Variants in NRG2 observed in about 807,000 individuals in gnomAD.
The protein encoded by NRG2 is neuregulin 2.
Under a neutral mutation model 73.9 loss-of-function variants are expected in NRG2, and 27 were observed. The observed-to-expected ratio is 0.37, with a 90% CI of 0.27 to 0.50. NRG2 has a LOEUF of 0.50. Ranked by LOEUF, NRG2 falls within the 20% of genes least tolerant of loss-of-function variation. NRG2 has a pLI of 0.96. For synonymous variants in NRG2, 532 were observed against 541.0 expected (o/e 0.98, Z 0.23); for missense variants, 1,126 against 1,210.1 (o/e 0.93, Z 1.03).
In NRG2 at chr5:139,986,326, C is replaced by G. The variant is rs193224468; in HGVS notation, c.700+56044G>C. Among the ~76,000 whole-genome samples, 3 of 152,256 alleles carry G rather than the reference C, an allele frequency of 2.0e-5. No individual in the cohort carries two copies. The East Asian group carries it at 5.8e-4, about 29-fold the overall frequency. Reference sequence around the variant, plus strand: ...TGGGATATCCTCCCACACCCCAGGACCTTGCACTAGAGGAAAGGGGCTTTG... The same window carrying G: ...TGGGATATCCTCCCACACCCCAGGAGCTTGCACTAGAGGAAAGGGGCTTTG... On this transcript the variant is annotated intron_variant, in intron 1 of 9. Transcript: ENST00000361474.
At chr5:139,912,227 G>A (rs1750881328) in intron 1 of NRG2, among the ~76,000 whole-genome samples, 1 of 152,140 alleles carries the variant, frequency 6.6e-6, no homozygotes, top group Non-Finnish European at 1.5e-5. Flanking sequence ...TTCAACCCAG[G>A]CTGGCAAATT....
intron 1 of NRG2, among the ~76,000 whole-genome samples, chr5:139,937,839 T>C (rs1752957917): frequency 6.6e-6 from 1 of 152,206 alleles, no homozygotes; most frequent in South Asian, 2.1e-4. Flanking sequence ...AACACATATA[T>C]ATATTCTGTG....
chr5:139,905,121 A>G (rs903521821), intron 1 of NRG2, among the ~76,000 whole-genome samples: 21 of 151,888 alleles, frequency 1.4e-4, no homozygotes, highest in Non-Finnish European at 2.6e-4. Flanking sequence ...CCCCCCTCCC[A>G]CACACTCTGG....
At chr5:139,984,752 C>G (rs969491496) in intron 1 of NRG2, among the ~76,000 whole-genome samples, 9 of 152,162 alleles carry the variant, frequency 5.9e-5, no homozygotes, top group African/African-American at 2.2e-4. Context: ...GCACAATAAG[C>G]ACAGAGAAGC....
intron 1 of NRG2, among the ~76,000 whole-genome samples, chr5:140,024,752 G>A (rs1760543466): frequency 6.6e-6 from 1 of 152,156 alleles, no homozygotes; most frequent in South Asian, 2.1e-4. Flanking sequence ...ACTTATGGAA[G>A]CGGCTCGGGT....
intron 1 of NRG2, among the ~76,000 whole-genome samples, chr5:139,933,111 C>T (rs1316139638): frequency 6.6e-6 from 1 of 152,030 alleles, no homozygotes; most frequent in Non-Finnish European, 1.5e-5. Context: ...CCTGTCTCTA[C>T]TAAAAATACA....
chr5:140,007,032 A>C (rs1758960567), intron 1 of NRG2, among the ~76,000 whole-genome samples: 1 of 152,182 alleles, frequency 6.6e-6, no homozygotes, highest in African/African-American at 2.4e-5. Flanking sequence ...TTTGCCCCAC[A>C]GGGACGATTT....
intron 1 of NRG2, among the ~76,000 whole-genome samples, chr5:140,004,906 G>A (rs1009463519): frequency 2.0e-5 from 3 of 152,130 alleles, no homozygotes; most frequent in Non-Finnish European, 4.4e-5. Context: ...GGTGAGGTTT[G>A]TACAGAAACT....
intron 1 of NRG2, among the ~76,000 whole-genome samples, chr5:139,889,623 T>C (rs962033267): frequency 1.3e-5 from 2 of 152,222 alleles, no homozygotes; most frequent in African/African-American, 4.8e-5. Flanking sequence ...CTGATTCCTG[T>C]GTGGAACATT....
In NRG2 at chr5:139,865,360, G is replaced by C. The variant is rs2277048; in HGVS notation, c.1189+189C>G. ...TAAACCCAAGGATTAGGCCAAAAAT[G>C]AAAACAAAGCAAAACAAAACAAAAC... On this transcript the variant is annotated intron_variant, in intron 5 of 9. Transcript: ENST00000361474. The surrounding 1 kb of genome is among the most constrained non-coding windows in gnomAD (Gnocchi z 5.2). Among the ~76,000 whole-genome samples, 9 of 152,166 alleles carry C rather than the reference G, an allele frequency of 5.9e-5. No homozygotes were observed. In the East Asian group the frequency reaches 1.7e-3, roughly 29 times the overall value.
chr5:139,936,279 C>T (rs989089581), intron 1 of NRG2, among the ~76,000 whole-genome samples: 1 of 151,742 alleles, frequency 6.6e-6, no homozygotes, highest in African/African-American at 2.4e-5. Context: ...TAAGATAAAT[C>T]AGGAAAAAAT....
chr5:140,026,614 G>GA (rs1055769872), intron 1 of NRG2, among the ~76,000 whole-genome samples: 9 of 150,454 alleles, frequency 6.0e-5, no homozygotes, highest in South Asian at 2.1e-4. Flanking sequence ...CTCTTCTCCA[G>GA]AAAAAAAAGA....
chr5:140,027,019 C>T (rs958875015), intron 1 of NRG2, among the ~76,000 whole-genome samples: 1 of 152,102 alleles, frequency 6.6e-6, no homozygotes, highest in African/African-American at 2.4e-5. Context: ...TTCACTCTGT[C>T]CCCCAGGCTA....
intron 3 of NRG2, 110 bp from the exon 4 acceptor site, chr5:139,871,951 G>A (rs2127074779): frequency 6.9e-7 from 1 of 1,440,142 alleles, no homozygotes; most frequent in East Asian, 2.4e-5. Flanking sequence ...AGAGGCTGCA[G>A]GAATGACTGG....
At chr5:139,855,565 G>C in intron 6 of NRG2, 111 bp downstream of exon 6, 1 of 904,270 alleles carries the variant, frequency 1.1e-6, no homozygotes, top group South Asian at 1.4e-5. Context: ...TGGGGCCTAG[G>C]AGGGTATAGA....
At chr5:139,979,737 G>A (rs1036347509) in intron 1 of NRG2, among the ~76,000 whole-genome samples, 1 of 152,204 alleles carries the variant, frequency 6.6e-6, no homozygotes, top group Non-Finnish European at 1.5e-5. Flanking sequence ...GAGCTTCAAA[G>A]CTGATCCTGC....
In NRG2 at chr5:139,870,337, G is replaced by A. The variant is rs531259227; in HGVS notation, c.1112+1384C>T. Among the ~76,000 whole-genome samples the A allele has an allele frequency of 1.3e-5, 2 of 152,294 alleles. No homozygotes were observed. The highest frequency in any genetic ancestry group is 4.8e-5 in the African/African-American group (2 of 41,560). On this transcript the variant is annotated intron_variant, in intron 4 of 9. Transcript: ENST00000361474. This position sits in a 1 kb window ranked among gnomAD's most constrained non-coding sequence, Gnocchi z 4.4. ...CTCCTCTAAGGTTCAGGGAGGGGGA[G>A]AAGGAGGTGGCAGCAGGGGCAGGGT...
intron 5 of NRG2, chr5:139,861,821 C>A: frequency 2.0e-6 from 1 of 488,556 alleles, no homozygotes; most frequent in Non-Finnish European, 4.1e-6. Flanking sequence ...ACCCTTCAGG[C>A]AGCTGGAGAG....
chr5:140,020,612 G>T (rs766362089), intron 1 of NRG2, among the ~76,000 whole-genome samples: 3 of 152,206 alleles, frequency 2.0e-5, no homozygotes, highest in Non-Finnish European at 4.4e-5. Flanking sequence ...TGTGCAATGA[G>T]AAAGAATGAC....
Sources: allele counts gnomAD v4.1 joint callset (sites outside exome capture counted in the v4.1 genomes callset), GRCh38; gene constraint gnomAD v4.1.1; non-coding constraint Gnocchi (gnomAD v3.1); transcripts MANE v1.5; gene names NCBI Gene and HGNC (gene_info 2026-07-23, HGNC 2026-07-21).